The following SH3PXD2A variants were observed in gnomAD, a reference collection of about 807,000 sequenced individuals.
The protein encoded by SH3PXD2A is SH3 and PX domains 2A.
A neutral mutation model predicts 115.2 loss-of-function variants in SH3PXD2A; 32 were observed. The ratio of observed to expected loss-of-function variants is 0.28; its 90% confidence interval spans 0.21 to 0.37. The LOEUF (loss-of-function observed/expected upper bound fraction) is 0.37, where lower values mean the gene tolerates loss of function less well. Among genes scored for constraint, SH3PXD2A ranks in the 10% least tolerant of loss-of-function variants. SH3PXD2A has a pLI of 1.00. For synonymous variants in SH3PXD2A, 610 were observed against 629.1 expected, an observed-to-expected ratio of 0.97 and a Z score of 0.45; for missense variants, 1,328 against 1,498.7, an observed-to-expected ratio of 0.89 and a Z score of 1.88.
At chr10:103,671,025 T>C (rs541571317) in intron 6 of SH3PXD2A, among the ~76,000 whole-genome samples, 3 of 152,364 alleles carry the variant, frequency 2.0e-5, no homozygotes, top group Admixed American at 6.5e-5. Flanking sequence ...TGGCCCTCTC[T>C]CCATGCCACT....
At chr10:103,699,696 C>T (rs2037868492) in intron 5 of SH3PXD2A, among the ~76,000 whole-genome samples, 1 of 152,184 alleles carries the variant, frequency 6.6e-6, no homozygotes, top group Admixed American at 6.5e-5. Context: ...GAGGCAGCAA[C>T]CTCCAGGCAA....
intron 5 of SH3PXD2A, among the ~76,000 whole-genome samples, chr10:103,709,886 A>G (rs974726541): frequency 1.3e-5 from 2 of 152,196 alleles, no homozygotes; most frequent in Non-Finnish European, 2.9e-5. Context: ...TGGGTGGATC[A>G]CCTGAGGTCA....
intron 3 of SH3PXD2A, among the ~76,000 whole-genome samples, chr10:103,737,283 G>T (rs1334872317): frequency 6.6e-6 from 1 of 152,120 alleles, no homozygotes; most frequent in African/African-American, 2.4e-5. Flanking sequence ...GTTGAAGATG[G>T]GTTTTCATAA....
At chr10:103,655,394 A>G (rs925649752) in intron 8 of SH3PXD2A, among the ~76,000 whole-genome samples, 1 of 152,246 alleles carries the variant, frequency 6.6e-6, no homozygotes, top group Non-Finnish European at 1.5e-5. Flanking sequence ...GCGAATGTGG[A>G]AGTCTGAATT....
intron 1 of SH3PXD2A, among the ~76,000 whole-genome samples, chr10:103,809,252 C>T (rs934904719): frequency 3.3e-5 from 5 of 152,192 alleles, no homozygotes; most frequent in Admixed American, 3.3e-4. Flanking sequence ...CATGGTAGTA[C>T]ACACTCACGG....
chr10:103,827,971 G>T (rs1010118579), intron 1 of SH3PXD2A, among the ~76,000 whole-genome samples: 2 of 152,234 alleles, frequency 1.3e-5, no homozygotes, highest in Admixed American at 6.5e-5. Flanking sequence ...CTAGGAAGGT[G>T]CACAGAGCCT....
At chr10:103,839,317 G>A (rs1341972883) in intron 1 of SH3PXD2A, among the ~76,000 whole-genome samples, 1 of 152,176 alleles carries the variant, frequency 6.6e-6, no homozygotes, top group Non-Finnish European at 1.5e-5. Flanking sequence ...GTCAGGTCAG[G>A]AGAACAGCAA....
chr10:103,716,655 A>G (rs1351063348), intron 5 of SH3PXD2A, among the ~76,000 whole-genome samples: 1 of 152,126 alleles, frequency 6.6e-6, no homozygotes, highest in Non-Finnish European at 1.5e-5. Context: ...TGGGCTGGTA[A>G]GGCCAGTGGG....
chr10:103,629,494 T>C (rs908693669), intron 8 of SH3PXD2A, among the ~76,000 whole-genome samples: 11 of 152,316 alleles, frequency 7.2e-5, no homozygotes, highest in Middle Eastern at 3.4e-3. Flanking sequence ...GCTTGGGGCA[T>C]GCAGTACCCT....
chr10:103,853,732 G>C (rs993600069), intron 1 of SH3PXD2A, among the ~76,000 whole-genome samples: 1 of 152,258 alleles, frequency 6.6e-6, no homozygotes, highest in African/African-American at 2.4e-5. Flanking sequence ...TCAGAGCAGA[G>C]TGCCATCTGT....
chr10:103,827,804 T>C (rs575171690), intron 1 of SH3PXD2A, among the ~76,000 whole-genome samples: 3 of 152,312 alleles, frequency 2.0e-5, no homozygotes, highest in South Asian at 2.1e-4. Context: ...ACTGAAGTCA[T>C]GGGGCCTAGA....
At chr10:103,662,386 CTTTTTT>C (rs571936334) in intron 7 of SH3PXD2A, among the ~76,000 whole-genome samples, 5 of 39,716 alleles carry the variant, frequency 1.3e-4, no homozygotes, top group Admixed American at 8.0e-4. Context: ...ATATGATGTG[CTTTTTT>C]TTTTTTTTTT....
chr10:103,649,819 CCAACCTCAACAG>C (rs1348657494), intron 8 of SH3PXD2A, among the ~76,000 whole-genome samples: 1 of 152,204 alleles, frequency 6.6e-6, no homozygotes, highest in Non-Finnish European at 1.5e-5. Context: ...GGATGCCTGG[CCAACCTCAACAG>C]CAACCTCACC....
At chr10:103,637,282 C>T (rs1704662669) in intron 8 of SH3PXD2A, among the ~76,000 whole-genome samples, 1 of 152,156 alleles carries the variant, frequency 6.6e-6, no homozygotes, top group Admixed American at 6.5e-5. Flanking sequence ...AGACTCAGAG[C>T]TTGGAGTTTG....
At chr10:103,660,688 G>A (rs2037282056) in intron 8 of SH3PXD2A, among the ~76,000 whole-genome samples, 1 of 152,224 alleles carries the variant, frequency 6.6e-6, no homozygotes, top group Admixed American at 6.5e-5. Flanking sequence ...ACGGGCCTCC[G>A]AGGGCACGGG....
chr10:103,787,615 G>C (rs1009915590), intron 2 of SH3PXD2A, among the ~76,000 whole-genome samples: 59 of 152,178 alleles, frequency 3.9e-4, no homozygotes, highest in African/African-American at 1.4e-3. Context: ...TGTCTCCCTG[G>C]GGAGCAAGGC....
rs148863089 is a variant in SH3PXD2A at position 103,666,106 on chromosome 10, G to A, written c.472+2502C>T. 5.2e-3 allele frequency among the ~76,000 whole-genome samples: 790 copies of A among 152,238 alleles called. 11 individuals carry two copies. Among genetic ancestry groups the A allele is most frequent in the Non-Finnish European group, 4.6e-3 (315 of 68,022 alleles). On this transcript the variant is annotated intron_variant, in intron 7 of 14. Coordinates refer to ENST00000369774, the MANE Select transcript of SH3PXD2A (RefSeq NM_001394015.1). The surrounding 1 kb of genome is among the most constrained non-coding windows in gnomAD (Gnocchi z 4.5). ...TGCCAAGTCAGTCCCATGCTCCAAC[G>A]CCTTCCACGGCTCCCTCTTGCCTAT...
At chr10:103,638,181 G>T (rs1237458691) in intron 8 of SH3PXD2A, among the ~76,000 whole-genome samples, 3 of 152,184 alleles carry the variant, frequency 2.0e-5, no homozygotes, top group African/African-American at 4.8e-5. Context: ...CCGTTGCCCA[G>T]GGCCTTCCCT....
intron 8 of SH3PXD2A, among the ~76,000 whole-genome samples, chr10:103,659,433 G>A (rs760039510): frequency 2.6e-5 from 4 of 152,160 alleles, no homozygotes; most frequent in Non-Finnish European, 5.9e-5. Context: ...CATCTCCCTC[G>A]CCTGAGGTCT....
Sources: gnomAD v4.1 joint callset for allele counts (sites outside exome capture counted in the v4.1 genomes callset) on GRCh38, gnomAD v4.1.1 for gene constraint, Gnocchi (gnomAD v3.1) non-coding constraint, MANE v1.5 for transcripts, NCBI Gene and HGNC (gene_info 2026-07-23, HGNC 2026-07-21) for gene names.